SKAP2: variants seen among roughly 807,000 people sequenced by gnomAD.
SKAP2 encodes the protein src kinase-associated phosphoprotein 2.
In SKAP2, 28 loss-of-function variants were observed where a neutral mutation model predicts 54.9. The observed-to-expected ratio is 0.51, with a 90% confidence interval of 0.38 to 0.70. The LOEUF (loss-of-function observed/expected upper bound fraction) is 0.70, where lower values mean the gene tolerates loss of function less well. Among genes scored for constraint, SKAP2 ranks in the 30% least tolerant of loss-of-function variants. The pLI is 0.00. For synonymous variants in SKAP2, 137 were observed against 134.3 expected, an observed-to-expected ratio of 1.02 and a Z score of -0.14; for missense variants, 356 against 424.1, an observed-to-expected ratio of 0.84 and a Z score of 1.41.
Position 26,813,274 on chromosome 7 carries a change from G to A in SKAP2, c.307+30756C>T, listed in dbSNP as rs1441075970. ...AGTAACAGTATGCAATTGTATTCAT[G>A]CTGTGCAAACCTCCTTGATAATATA... is the stretch of plus-strand genomic sequence containing the variant. On this transcript the variant is annotated intron_variant, in intron 4 of 12. Coordinates refer to ENST00000345317, the MANE Select transcript of SKAP2 (RefSeq NM_003930.5). Among the ~76,000 whole-genome samples, 8 of 152,252 alleles carry A rather than the reference G, an allele frequency of 5.3e-5. No homozygotes were observed. In the East Asian group the frequency reaches 1.5e-3, roughly 29 times the overall value.
intron 9 of SKAP2, among the ~76,000 whole-genome samples, chr7:26,695,891 T>G (rs1334759289): frequency 6.6e-6 from 1 of 152,030 alleles, no homozygotes; most frequent in Non-Finnish European, 1.5e-5. Context: ...AGAGGTGACA[T>G]GGGGGAACAG....
chr7:26,685,108 T>C (rs1396461876), intron 10 of SKAP2, among the ~76,000 whole-genome samples: 1 of 152,194 alleles, frequency 6.6e-6, no homozygotes, highest in African/African-American at 2.4e-5. Context: ...AATTGCTATA[T>C]GCTGTCATCA....
intron 9 of SKAP2, among the ~76,000 whole-genome samples, chr7:26,723,962 T>C (rs1465334618): frequency 6.6e-6 from 1 of 152,132 alleles, no homozygotes; most frequent in Non-Finnish European, 1.5e-5. Flanking sequence ...CAGGGAATAT[T>C]CTTCCCTACT....
chr7:26,664,684 T>C (rs1244903317), downstream of SKAP2, among the ~76,000 whole-genome samples: 1 of 143,948 alleles, frequency 6.9e-6, no homozygotes, highest in African/African-American at 2.6e-5. Context: ...GGCTGTGCTA[T>C]ATTGCCTCTC....
chr7:26,823,102 T>C (rs984382775), intron 4 of SKAP2, among the ~76,000 whole-genome samples: 2 of 151,800 alleles, frequency 1.3e-5, no homozygotes, highest in African/African-American at 4.8e-5. Context: ...ACAAAAGTGC[T>C]ACTCCAGTGA....
At chr7:26,806,948 G>A (rs1360426826) in intron 4 of SKAP2, among the ~76,000 whole-genome samples, 2 of 152,158 alleles carry the variant, frequency 1.3e-5, no homozygotes, top group African/African-American at 2.4e-5. Flanking sequence ...AACTCTTATG[G>A]ATGACTTAGA....
the SKAP2 span, among the ~76,000 whole-genome samples, chr7:26,660,514 T>C: frequency 1.3e-5 from 2 of 152,188 alleles, no homozygotes; most frequent in South Asian, 2.1e-4. Flanking sequence ...TTTATTGCTA[T>C]AGATCATAGC....
At chr7:26,817,248 C>T (rs1234963617) in intron 4 of SKAP2, among the ~76,000 whole-genome samples, 2 of 152,008 alleles carry the variant, frequency 1.3e-5, no homozygotes, top group African/African-American at 4.8e-5. Context: ...TATACATTCA[C>T]ACAGGTCTAT....
At chr7:26,825,759 AT>A (rs1178963778) in intron 4 of SKAP2, among the ~76,000 whole-genome samples, 2 of 152,188 alleles carry the variant, frequency 1.3e-5, no homozygotes, top group Non-Finnish European at 2.9e-5. Flanking sequence ...TCAATTCAAA[AT>A]TTAGCATGCT....
the SKAP2 span, among the ~76,000 whole-genome samples, chr7:26,657,687 C>T: frequency 1.3e-5 from 2 of 151,662 alleles, no homozygotes; most frequent in East Asian, 3.9e-4. Flanking sequence ...TTTACTGAAG[C>T]GGAATAAGGC....
At chr7:26,750,456 A>G (rs1782657616) in intron 4 of SKAP2, among the ~76,000 whole-genome samples, 1 of 151,740 alleles carries the variant, frequency 6.6e-6, no homozygotes, top group South Asian at 2.1e-4. Flanking sequence ...GATTACAGGC[A>G]TGCGCTACCA....
At chr7:26,795,605 G>A (rs1458463012) in intron 4 of SKAP2, among the ~76,000 whole-genome samples, 3 of 151,994 alleles carry the variant, frequency 2.0e-5, no homozygotes, top group Non-Finnish European at 4.4e-5. Context: ...AAAAATATGA[G>A]GTATAATATA....
intron 4 of SKAP2, among the ~76,000 whole-genome samples, chr7:26,763,704 C>A (rs1782982835): frequency 6.6e-6 from 1 of 152,106 alleles, no homozygotes; most frequent in Admixed American, 6.5e-5. Flanking sequence ...CTAAGAAATA[C>A]ATCATTAGGT....
chr7:26,848,609 C>T (rs1488314501), intron 3 of SKAP2, among the ~76,000 whole-genome samples: 1 of 152,128 alleles, frequency 6.6e-6, no homozygotes, highest in Admixed American at 6.5e-5. Context: ...ACTACTAAAC[C>T]TGTACCTAAA....
chr7:26,684,032 T>C lies in SKAP2; in HGVS notation c.987+704A>G, dbSNP rs183760599. ...ATTAAAATATGAAAATTAAGGGAGC[T>C]CACATACATTACCAAAAGTATAATC... On this transcript the variant is annotated intron_variant, in intron 11 of 12. Transcript: ENST00000345317. Among the ~76,000 whole-genome samples, 67 of 152,200 alleles carry C rather than the reference T, an allele frequency of 4.4e-4. 1 individual carries two copies. The highest frequency in any genetic ancestry group is 3.1e-4 in the Non-Finnish European group (21 of 67,992).
intron 4 of SKAP2, among the ~76,000 whole-genome samples, chr7:26,757,088 G>A (rs1782811702): frequency 6.6e-6 from 1 of 152,168 alleles, no homozygotes; most frequent in Non-Finnish European, 1.5e-5. Flanking sequence ...TGTCGGATGA[G>A]CAGATTGCAA....
In SKAP2 at chr7:26,700,463, C is replaced by A. The variant is rs539727291; in HGVS notation, c.797-10101G>T. On this transcript the variant is annotated intron_variant, in intron 9 of 12. Transcript: ENST00000345317. ...GATACGCTTTTCAGAACCAACACAG[C>A]CATCCCCAACTGCTGGGACTCAAGC... is the stretch of plus-strand genomic sequence containing the variant. Among the ~76,000 whole-genome samples the A allele has an allele frequency of 2.0e-5, 3 of 152,298 alleles. No individual in the cohort carries two copies. The South Asian group carries it at 6.2e-4, about 32-fold the overall frequency.
At chr7:26,808,405 C>G (rs1350113879) in intron 4 of SKAP2, among the ~76,000 whole-genome samples, 1 of 152,030 alleles carries the variant, frequency 6.6e-6, no homozygotes, top group African/African-American at 2.4e-5. Context: ...CATGAAGTAC[C>G]TAGAACAGGC....
At chr7:26,750,313 CT>C (rs70946231) in intron 4 of SKAP2, among the ~76,000 whole-genome samples, 11,818 of 134,812 alleles carry the variant, frequency 0.088, 448 homozygotes, top group Middle Eastern at 0.17. Flanking sequence ...ATATACCATA[CT>C]TTTTTTTTTT....
Sources: gnomAD v4.1 joint callset for allele counts (sites outside exome capture counted in the v4.1 genomes callset) on GRCh38, gnomAD v4.1.1 for gene constraint, MANE v1.5 for transcripts, NCBI Gene and HGNC (gene_info 2026-07-23, HGNC 2026-07-21) for gene names.